WDHD1: variants seen among roughly 807,000 people sequenced by gnomAD.
The protein encoded by WDHD1 is WD repeat and HMG-box DNA-binding protein 1.
A neutral mutation model predicts 135.4 loss-of-function variants in WDHD1; 111 were observed. The observed-to-expected ratio is 0.82, with a 90% CI of 0.70 to 0.96. The LOEUF is 0.96. Among genes scored for constraint, WDHD1 ranks in the 40% least tolerant of loss-of-function variants. The pLI, the probability that WDHD1 is intolerant of heterozygous loss-of-function variation, is 0.00. For synonymous variants in WDHD1, 434 were observed against 439.0 expected (o/e 0.99, Z 0.14); for missense variants, 1,351 against 1,336.3 (o/e 1.01, Z -0.17).
intron 16 of WDHD1, among the ~76,000 whole-genome samples, chr14:54,975,040 T>G (rs571353267): frequency 6.6e-6 from 1 of 152,324 alleles, no homozygotes; most frequent in African/African-American, 2.4e-5. Context: ...CATTTATCTT[T>G]GTGTGGTATA....
rs566351591 is a variant in WDHD1, at chr14:55,005,920, A to G, written c.600+1360T>C. On this transcript the variant is annotated intron_variant, in intron 7 of 25. Coordinates refer to ENST00000360586, the MANE Select transcript of WDHD1 (RefSeq NM_007086.4). ...TGCTTTGTTGCCTAGGCTGGAGTAC[A>G]GTGACAAGATCATAGCCCACTGCAG... Among the ~76,000 whole-genome samples the G allele has an allele frequency of 3.9e-5, 6 of 152,150 alleles. No individual in the cohort carries two copies. The East Asian group carries it at 9.7e-4, about 25-fold the overall frequency.
chr14:54,981,995 T>G (rs2041625743), intron 15 of WDHD1, among the ~76,000 whole-genome samples: 1 of 151,696 alleles, frequency 6.6e-6, no homozygotes, highest in South Asian at 2.1e-4. Flanking sequence ...TTTCATTTAT[T>G]TATTTATTTA....
chr14:55,008,513 G>A, intron 5 of WDHD1, 95 bp downstream of exon 5: 1 of 1,447,794 alleles, frequency 6.9e-7, no homozygotes, highest in Non-Finnish European at 9.4e-7. Flanking sequence ...AGGTTGAAAA[G>A]TTGAGTTAGC....
In WDHD1 at chr14:55,000,502, C is replaced by T. The variant is rs1253446901; in HGVS notation, c.942+1G>A. 3 of 1,600,952 alleles carry T rather than the reference C, an allele frequency of 1.9e-6. No homozygotes were observed. Among genetic ancestry groups the T allele is most frequent in the Non-Finnish European group, 2.6e-6 (3 of 1,173,886 alleles). On this transcript the variant is annotated splice_donor_variant, in intron 10 of 25. Coordinates refer to ENST00000360586, the MANE Select transcript of WDHD1 (RefSeq NM_007086.4). LOFTEE classifies it high-confidence loss of function. ...AACTGTTGTACCATACTCCCTTTTA[C>T]CTTACTGCTTGATGTCTTTCCACTG... is the stretch of plus-strand genomic sequence containing the variant.
chr14:54,941,734 T>A (rs758404036), intron 25 of WDHD1, 44 bp from the exon 26 acceptor site: 1 of 1,510,240 alleles, frequency 6.6e-7, no homozygotes, highest in Non-Finnish European at 9.0e-7. Flanking sequence ...TTTTAGAAAA[T>A]AACAAATAAG....
rs781236453 is a variant in WDHD1 at position 54,967,253 on chromosome 14, A to G, written c.2178+27T>C. On this transcript the variant is annotated intron_variant, in intron 17 of 25. Transcript: ENST00000360586. Reference sequence around the variant, plus strand: ...CACAGGTGCTGTATTATCAAATTCAAAGTGTCAAGGTAAGACTTCCACATA... The same window carrying G: ...CACAGGTGCTGTATTATCAAATTCAGAGTGTCAAGGTAAGACTTCCACATA... 10 of 1,553,798 alleles carry G rather than the reference A, an allele frequency of 6.4e-6. No homozygotes were observed. The Admixed American group carries it at 1.4e-4, about 21-fold the overall frequency.
intron 2 of WDHD1, among the ~76,000 whole-genome samples, chr14:55,023,426 C>A (rs1161738831): frequency 6.6e-6 from 1 of 152,196 alleles, no homozygotes; most frequent in Non-Finnish European, 1.5e-5. Flanking sequence ...ACACTGGATT[C>A]ATTTATCTTG....
chr14:54,954,945 T>A (rs1327166436), intron 24 of WDHD1, among the ~76,000 whole-genome samples: 1 of 152,202 alleles, frequency 6.6e-6, no homozygotes, highest in Admixed American at 6.5e-5. Flanking sequence ...GTCAGGCTGG[T>A]CTCGAACTCC....
At chr14:55,018,022 G>A (rs556808158) in intron 2 of WDHD1, among the ~76,000 whole-genome samples, 1 of 151,298 alleles carries the variant, frequency 6.6e-6, no homozygotes, top group South Asian at 2.2e-4. Flanking sequence ...ACAAACCGAT[G>A]TTAATTAAAT....
At chr14:54,996,133 T>G (rs1162295714) in intron 10 of WDHD1, among the ~76,000 whole-genome samples, 1 of 152,208 alleles carries the variant, frequency 6.6e-6, no homozygotes, top group East Asian at 1.9e-4. Flanking sequence ...AGAAGTGATA[T>G]TAATATGATA....
intron 16 of WDHD1, among the ~76,000 whole-genome samples, chr14:54,969,632 T>C (rs1328523570): frequency 2.0e-5 from 3 of 152,120 alleles, no homozygotes; most frequent in Non-Finnish European, 4.4e-5. Context: ...GAATTCTAGA[T>C]GCACAAAGAA....
In WDHD1 at chr14:54,991,219, T is replaced by C; in HGVS notation, c.1335A>G (p.Arg445=). The change falls in exon 12 of 26, where the codon AGA becomes AGG. Residue 445 remains arginine, a synonymous_variant. Transcript: ENST00000360586. ...SGSTPLHLTH[R]FMVWNSIGII... Reference sequence around the variant, plus strand: ...GTGTAGATCCAAGTCTTACCATGAATCTGTGAGTGAGATGCAACGGTGTAG... The same window carrying C: ...GTGTAGATCCAAGTCTTACCATGAACCTGTGAGTGAGATGCAACGGTGTAG... The C allele has an allele frequency of 6.8e-7, 1 of 1,473,524 alleles. No individual in the cohort carries two copies. Among genetic ancestry groups the C allele is most frequent in the Non-Finnish European group, 9.2e-7 (1 of 1,090,698 alleles). 91.3% of individuals were successfully genotyped at this position (1,473,524 alleles called of 1,614,324 possible).
chr14:54,971,632 C>T (rs1352914731), intron 16 of WDHD1, among the ~76,000 whole-genome samples: 1 of 143,874 alleles, frequency 7.0e-6, no homozygotes, highest in Admixed American at 7.4e-5. Flanking sequence ...TCACTGAGCC[C>T]AGAAAGTCGA....
At chr14:54,967,660 G>T (rs113464615) in intron 16 of WDHD1, among the ~76,000 whole-genome samples, 4,845 of 152,038 alleles carry the variant, frequency 0.032, 246 homozygotes, top group African/African-American at 0.11. Context: ...TCACTGTGTT[G>T]CCCAGGCTAA....
chr14:54,954,393 T>C (rs1411399216), intron 24 of WDHD1, among the ~76,000 whole-genome samples: 1 of 152,220 alleles, frequency 6.6e-6, no homozygotes, highest in Non-Finnish European at 1.5e-5. Context: ...GGAATACTCA[T>C]ATTGCTAAAG....
chr14:54,984,588 A>G (rs2041668053), intron 15 of WDHD1, 135 bp downstream of exon 15: 2 of 787,808 alleles, frequency 2.5e-6, no homozygotes, highest in Non-Finnish European at 3.5e-6. Context: ...ACATATTAAA[A>G]TAGAAATTTA....
Position 54,941,479 on chromosome 14 carries a change from A to C in WDHD1, c.*11T>G. On this transcript the variant is annotated 3_prime_UTR_variant, in exon 26 of 26. Coordinates refer to ENST00000360586, the MANE Select transcript of WDHD1 (RefSeq NM_007086.4). ...AAAAATCCATTACTTCCCTAGGGTC[A>C]CTTTCTTCCTTTACTCCTGCTTAAA... 6 of 1,599,038 alleles carry C rather than the reference A, an allele frequency of 3.8e-6. No homozygotes were observed. The highest frequency in any genetic ancestry group is 5.1e-6 in the Non-Finnish European group (6 of 1,175,250).
intron 15 of WDHD1, among the ~76,000 whole-genome samples, chr14:54,982,418 C>T (rs760941255): frequency 6.6e-5 from 10 of 152,132 alleles, no homozygotes; most frequent in East Asian, 1.9e-4. Context: ...GTGATCTTTA[C>T]GAAATTTATC....
At chr14:54,997,091 T>C (rs1272279011) in intron 10 of WDHD1, among the ~76,000 whole-genome samples, 1 of 5,086 alleles carries the variant, frequency 2.0e-4, no homozygotes, top group South Asian at 0.015. Flanking sequence ...CGCCCAGCCT[T>C]TTTTTTTTTT....
Sources: allele counts gnomAD v4.1 joint callset (sites outside exome capture counted in the v4.1 genomes callset), GRCh38; gene constraint gnomAD v4.1.1; transcripts MANE v1.5; gene names NCBI Gene and HGNC (gene_info 2026-07-23, HGNC 2026-07-21).